The following MIER1 variants were observed in gnomAD, a reference collection of about 807,000 sequenced individuals.
MIER1 encodes MIER1 transcriptional regulator.
MIER1 carries 40 observed loss-of-function variants against 75.7 expected under a neutral mutation model. The observed-to-expected ratio is 0.53, with a 90% CI of 0.41 to 0.69. The LOEUF (loss-of-function observed/expected upper bound fraction) is 0.69. MIER1 is among the 30% of genes least tolerant of loss of function. MIER1 has a pLI of 0.00. For missense variants in MIER1, 574 were observed against 680.2 expected, an observed-to-expected ratio of 0.84 and a Z score of 1.74; for synonymous variants, 213 against 223.4, an observed-to-expected ratio of 0.95 and a Z score of 0.42.
At chr1:66,941,816 C>T (rs867880422) in intron 3 of MIER1, among the ~76,000 whole-genome samples, 1 of 152,054 alleles carries the variant, frequency 6.6e-6, no homozygotes, top group East Asian at 1.9e-4. Flanking sequence ...TCTAAAAATA[C>T]GAAAATTAGC....
chr1:66,972,839 G>A, intron 10 of MIER1, 58 bp from the exon 11 acceptor site: 1 of 860,624 alleles, frequency 1.2e-6, no homozygotes, highest in East Asian at 2.5e-5. Context: ...TTGTAATTTT[G>A]TTATATGCAA....
Position 66,925,035 on chromosome 1 carries a change from G to A in MIER1, c.7G>A (p.Gly3Arg), listed in dbSNP as rs1443033981. Residue 3 changes from glycine to arginine, a missense_variant, in exon 1 of 14, where the codon GGG becomes AGG. Transcript: ENST00000401041. ...GTCTCCCGGCTGCAGGCGGATGGAT[G>A]GGGCTTCTTCAGGCGGTGGCGGCAG... The part of the protein sequence containing the change: MD[G>R]ASSGGGGSSE... 1 of 1,549,492 alleles carries A rather than the reference G, an allele frequency of 6.5e-7. No individual in the cohort carries two copies. The highest frequency in any genetic ancestry group is 1.2e-5 in the South Asian group (1 of 84,478).
In MIER1 at chr1:66,986,975, A is replaced by C. The variant is rs1666864243; in HGVS notation, c.*2075A>C. On this transcript the variant is annotated 3_prime_UTR_variant, in exon 14 of 14. Transcript: ENST00000401041. ...AGATGCCATTTTCACCTTTTTAAAA[A>C]GATGCATTTTATTTGCAGGTTTGTG... 1 of 148,536 alleles carries C rather than the reference A, an allele frequency of 6.7e-6. No individual in the cohort carries two copies. Among genetic ancestry groups the C allele is most frequent in the African/African-American group, 2.6e-5 (1 of 38,976 alleles). 9.2% of individuals were successfully genotyped at this position (148,536 alleles called of 1,614,324 possible). A position where few individuals can be genotyped will look rare whatever the true frequency, so the allele number is the denominator to read the frequency against.
At chr1:66,940,490 C>T (rs906443269) in intron 3 of MIER1, among the ~76,000 whole-genome samples, 4 of 151,814 alleles carry the variant, frequency 2.6e-5, no homozygotes, top group African/African-American at 9.7e-5. Context: ...AACGATTCAA[C>T]AAGTGAATAT....
At chr1:66,939,557 T>C (rs1655685599) in intron 2 of MIER1, among the ~76,000 whole-genome samples, 1 of 152,172 alleles carries the variant, frequency 6.6e-6, no homozygotes, top group African/African-American at 2.4e-5. Context: ...CCTTTTGCTT[T>C]GTTACAACTT....
chr1:66,925,154 T>C, intron 1 of MIER1, 59 bp downstream of exon 1: 1 of 1,529,426 alleles, frequency 6.5e-7, no homozygotes, highest in Non-Finnish European at 8.8e-7. Flanking sequence ...GATGAGGGGC[T>C]CCTGAGGTGT....
chr1:66,982,756 G>A (rs570108532), intron 13 of MIER1, among the ~76,000 whole-genome samples: 2 of 152,286 alleles, frequency 1.3e-5, no homozygotes, highest in South Asian at 4.1e-4. Flanking sequence ...TCCTGCTGGA[G>A]TGTATATGCT....
intron 7 of MIER1, among the ~76,000 whole-genome samples, chr1:66,960,286 A>G (rs1015543526): frequency 6.6e-6 from 1 of 152,182 alleles, no homozygotes; most frequent in Non-Finnish European, 1.5e-5. Flanking sequence ...AACTCTCCAA[A>G]TGATTGAATT....
intron 4 of MIER1, among the ~76,000 whole-genome samples, chr1:66,956,424 T>G (rs1660138679): frequency 6.6e-6 from 1 of 152,104 alleles, no homozygotes; most frequent in Non-Finnish European, 1.5e-5. Flanking sequence ...AAAAAATAAA[T>G]CTAGCCTTTT....
intron 8 of MIER1, among the ~76,000 whole-genome samples, chr1:66,967,127 T>C (rs902463211): frequency 1.3e-5 from 2 of 152,204 alleles, no homozygotes; most frequent in Non-Finnish European, 2.9e-5. Context: ...TTTATTGTAG[T>C]AGTTTCATAG....
chr1:66,988,512 A>G lies in MIER1; in HGVS notation c.*3612A>G, dbSNP rs1279977521. 2.0e-5 allele frequency: 3 copies of G among 151,970 alleles called. No homozygotes were observed. Among genetic ancestry groups the G allele is most frequent in the Non-Finnish European group, 4.4e-5 (3 of 67,772 alleles). The allele number at this position is 151,970 out of a possible 1,614,324, so 9.4% of individuals were successfully genotyped here. A position where few individuals can be genotyped will look rare whatever the true frequency, so the allele number is the denominator to read the frequency against. On this transcript the variant is annotated 3_prime_UTR_variant, in exon 14 of 14. Coordinates refer to ENST00000401041, the MANE Select transcript of MIER1 (RefSeq NM_001077700.3). ...ATTGTGCTGATCTTTTGCCAACTAT[A>G]CGGACGTGGAGTTTTTCCTTTTCAG...
intron 3 of MIER1, among the ~76,000 whole-genome samples, chr1:66,945,477 A>G (rs776509416): frequency 6.6e-6 from 1 of 152,032 alleles, no homozygotes; most frequent in South Asian, 2.1e-4. Flanking sequence ...ATCCACATAC[A>G]CAGAAGCCAT....
intron 4 of MIER1, 88 bp from the exon 5 acceptor site, chr1:66,957,971 A>C: frequency 1.4e-6 from 1 of 733,840 alleles, no homozygotes; most frequent in South Asian, 3.1e-5. Context: ...TTCACTATAG[A>C]ATGAATACTC....
rs200742966 is a variant in MIER1 at position 66,984,733 on chromosome 1, G to A, written c.1531G>A (p.Ala511Thr). Residue 511 changes from alanine to threonine, a missense_variant, in exon 14 of 14, where the codon GCC becomes ACC. By Grantham distance (58) the Ala-to-Thr change is moderately conservative. Coordinates refer to ENST00000401041, the MANE Select transcript of MIER1 (RefSeq NM_001077700.3). ...TDNLTTDPKL[A>T]HMTARNENDF... ...TAACCTTACCACTGACCCAAAACTTGCCCATATGACTGCAAGAAATGAAAA... is the reference window on the plus strand; with the variant it reads ...TAACCTTACCACTGACCCAAAACTTACCCATATGACTGCAAGAAATGAAAA... The A allele has an allele frequency of 1.3e-4, 210 of 1,613,814 alleles. No individual in the cohort carries two copies. Among genetic ancestry groups the A allele is most frequent in the Non-Finnish European group, 6.4e-5 (75 of 1,179,928 alleles).
chr1:66,946,147 C>T lies in MIER1; in HGVS notation c.194-3C>T. On this transcript the variant is annotated splice_polypyrimidine_tract_variant and splice_region_variant and intron_variant, in intron 3 of 13. Transcript: ENST00000401041. ...CCAAACTTTTTGAAATATTCCTTAC[C>T]AGGAGGTTCAGCAACATCAGATGAC... is the stretch of plus-strand genomic sequence containing the variant. 6.3e-7 allele frequency: 1 copy of T among 1,596,794 alleles called. No homozygotes were observed. Among genetic ancestry groups the T allele is most frequent in the Non-Finnish European group, 8.5e-7 (1 of 1,175,000 alleles).
intron 4 of MIER1, among the ~76,000 whole-genome samples, chr1:66,953,279 T>A (rs1325088784): frequency 6.6e-6 from 1 of 152,216 alleles, no homozygotes; most frequent in Non-Finnish European, 1.5e-5. Context: ...CCTTACATGA[T>A]GCTTGTTTAT....
intron 4 of MIER1, chr1:66,947,792 C>A: frequency 3.1e-6 from 1 of 323,284 alleles, no homozygotes; most frequent in Non-Finnish European, 4.4e-6. Flanking sequence ...TGGCCTCTTA[C>A]CCATGTATCA....
chr1:66,934,572 C>T (rs1352391705), intron 2 of MIER1, among the ~76,000 whole-genome samples: 16 of 138,276 alleles, frequency 1.2e-4, no homozygotes, highest in African/African-American at 3.5e-4. Context: ...TCATGCCCGG[C>T]TTTTTTTTTT....
intron 11 of MIER1, among the ~76,000 whole-genome samples, chr1:66,976,320 A>G (rs1001879237): frequency 1.3e-5 from 2 of 152,184 alleles, no homozygotes; most frequent in African/African-American, 4.8e-5. Flanking sequence ...AGCATTTTTA[A>G]TACAGGAATA....
Sources: allele counts gnomAD v4.1 joint callset (sites outside exome capture counted in the v4.1 genomes callset), GRCh38; gene constraint gnomAD v4.1.1; transcripts MANE v1.5; gene names NCBI Gene and HGNC (gene_info 2026-07-23, HGNC 2026-07-21).